The following KCND2 variants were observed in gnomAD, a reference collection of about 807,000 sequenced individuals.
The protein encoded by KCND2 is potassium voltage-gated channel subfamily D member 2.
A neutral mutation model predicts 54.4 loss-of-function variants in KCND2; 16 were observed. That is an observed-to-expected ratio of 0.29 (90% CI 0.20 to 0.45). The LOEUF (loss-of-function observed/expected upper bound fraction) is 0.45. Ranked by LOEUF, KCND2 falls within the 20% of genes least tolerant of loss-of-function variation. The probability of loss-of-function intolerance (pLI) is 1.00; values close to 1 mark genes in which losing one functional copy is unlikely to be tolerated. For missense variants in KCND2, 486 were observed against 824.2 expected (o/e 0.59, Z 5.02); for synonymous variants, 317 against 310.7 (o/e 1.02, Z -0.21).
chr7:120,482,152 A>G (rs1802616016), intron 1 of KCND2, among the ~76,000 whole-genome samples: 1 of 152,162 alleles, frequency 6.6e-6, no homozygotes, highest in Admixed American at 6.5e-5. Context: ...TTCCAACTGT[A>G]AGCTTTAATG....
chr7:120,512,510 G>A (rs984357982), intron 1 of KCND2, among the ~76,000 whole-genome samples: 1 of 151,574 alleles, frequency 6.6e-6, no homozygotes, highest in Non-Finnish European at 1.5e-5. Context: ...AGCAATTATA[G>A]TCTTAACAAT....
intron 2 of KCND2, among the ~76,000 whole-genome samples, chr7:120,736,225 T>C (rs1159925960): frequency 1.3e-5 from 2 of 152,050 alleles, no homozygotes; most frequent in Admixed American, 6.6e-5. Context: ...TCAGAAATAC[T>C]TTCCTTCTTC....
intron 1 of KCND2, among the ~76,000 whole-genome samples, chr7:120,540,171 A>G (rs1771414235): frequency 6.6e-6 from 1 of 152,080 alleles, no homozygotes; most frequent in Admixed American, 6.6e-5. Flanking sequence ...TCTTGTTGGG[A>G]TGGGAGTTAG....
At chr7:120,672,625 G>C (rs766393898) in intron 1 of KCND2, among the ~76,000 whole-genome samples, 2 of 151,944 alleles carry the variant, frequency 1.3e-5, no homozygotes, top group Non-Finnish European at 2.9e-5. Flanking sequence ...ATCCATTGTT[G>C]TTACTCTTTT....
rs138788567 is a variant in KCND2, at chr7:120,397,785, T to C, written c.1115+122038T>C. On this transcript the variant is annotated intron_variant, in intron 1 of 5. Transcript: ENST00000331113. ...ATATTTTTCTATATTGTCATATTGG[T>C]AAGATATTTCAGATGTTTTACTTTT... Among the ~76,000 whole-genome samples the C allele has an allele frequency of 9.0e-3, 1,371 of 151,722 alleles. 22 individuals are homozygous for C. The highest frequency in any genetic ancestry group is 0.032 in the African/African-American group (1,312 of 41,422).
chr7:120,432,501 G>A (rs1315290593), intron 1 of KCND2, among the ~76,000 whole-genome samples: 2 of 137,694 alleles, frequency 1.5e-5, no homozygotes, highest in Admixed American at 7.1e-5. Context: ...GTGAATACAC[G>A]CACACACACA....
chr7:120,592,864 T>G (rs1406774287), intron 1 of KCND2, among the ~76,000 whole-genome samples: 2 of 152,204 alleles, frequency 1.3e-5, no homozygotes, highest in African/African-American at 4.8e-5. Flanking sequence ...TTCACTAGTC[T>G]TCTTTTTTAA....
rs537405056 is a variant in KCND2, at chr7:120,679,563, A to T, written c.1116-53340A>T. On this transcript the variant is annotated intron_variant, in intron 1 of 5. Coordinates refer to ENST00000331113, the MANE Select transcript of KCND2 (RefSeq NM_012281.3). ...GGATCACAAAAGTAGACAATCCTGC[A>T]TGTATTTAAATGCATAGACAGCATA... Among the ~76,000 whole-genome samples, 19 of 152,208 alleles carry T rather than the reference A, an allele frequency of 1.2e-4. No individual in the cohort carries two copies. The South Asian group carries it at 3.9e-3, about 32-fold the overall frequency.
At chr7:120,739,673 A>G (rs1291936162) in intron 2 of KCND2, among the ~76,000 whole-genome samples, 3 of 152,020 alleles carry the variant, frequency 2.0e-5, no homozygotes, top group Non-Finnish European at 4.4e-5. Flanking sequence ...GTGGAGTTAA[A>G]GACATGATAT....
At chr7:120,460,385 C>T (rs73435843) in intron 1 of KCND2, among the ~76,000 whole-genome samples, 3,464 of 152,226 alleles carry the variant, frequency 0.023, 141 homozygotes, top group African/African-American at 0.079. Flanking sequence ...TATATCCAAA[C>T]TCTTGTCAGC....
chr7:120,343,010 G>A (rs1800264237), intron 1 of KCND2, among the ~76,000 whole-genome samples: 1 of 152,126 alleles, frequency 6.6e-6, no homozygotes, highest in Admixed American at 6.6e-5. Flanking sequence ...GCACCTATGA[G>A]CTCTGCCATC....
intron 1 of KCND2, among the ~76,000 whole-genome samples, chr7:120,398,497 A>T (rs1263235378): frequency 6.6e-6 from 1 of 152,058 alleles, no homozygotes; most frequent in African/African-American, 2.4e-5. Context: ...GCTGCAAGAG[A>T]TGCCTGAATG....
At chr7:120,368,181 G>T (rs1227817128) in intron 1 of KCND2, among the ~76,000 whole-genome samples, 1 of 151,950 alleles carries the variant, frequency 6.6e-6, no homozygotes, top group Non-Finnish European at 1.5e-5. Flanking sequence ...AAAGATTGAG[G>T]ATTTCTTAGC....
At chr7:120,706,582 T>C (rs956433087) in intron 1 of KCND2, among the ~76,000 whole-genome samples, 3 of 152,168 alleles carry the variant, frequency 2.0e-5, no homozygotes, top group African/African-American at 7.2e-5. Flanking sequence ...CTTAAAGGCC[T>C]CCTCTTTTAA....
At chr7:120,565,788 C>T (rs536719166) in intron 1 of KCND2, among the ~76,000 whole-genome samples, 1 of 152,288 alleles carries the variant, frequency 6.6e-6, no homozygotes, top group Admixed American at 6.5e-5. Context: ...AAGGAATTTG[C>T]AAGATTCTGC....
intron 1 of KCND2, among the ~76,000 whole-genome samples, chr7:120,505,658 G>T (rs1803004416): frequency 6.6e-6 from 1 of 151,730 alleles, no homozygotes; most frequent in African/African-American, 2.4e-5. Context: ...CAGCTTTGAT[G>T]GTTACTCTAT....
intron 1 of KCND2, among the ~76,000 whole-genome samples, chr7:120,644,957 C>T (rs528825421): frequency 6.0e-5 from 9 of 151,198 alleles, no homozygotes; most frequent in African/African-American, 1.9e-4. Flanking sequence ...TTTTTTTTTC[C>T]TATGAAGTTT....
intron 1 of KCND2, among the ~76,000 whole-genome samples, chr7:120,390,359 G>T (rs894346369): frequency 1.3e-5 from 2 of 151,888 alleles, no homozygotes; most frequent in African/African-American, 4.8e-5. Context: ...GGTGATTATG[G>T]TGATTTCCAT....
intron 1 of KCND2, among the ~76,000 whole-genome samples, chr7:120,371,950 C>G (rs935371389): frequency 6.6e-6 from 1 of 151,846 alleles, no homozygotes; most frequent in African/African-American, 2.4e-5. Flanking sequence ...AACATATAAC[C>G]GTGTATACCA....
Sources: allele counts gnomAD v4.1 joint callset (sites outside exome capture counted in the v4.1 genomes callset), GRCh38; gene constraint gnomAD v4.1.1; transcripts MANE v1.5; gene names NCBI Gene and HGNC (gene_info 2026-07-23, HGNC 2026-07-21).